Variants in TTC3 observed in about 807,000 individuals in gnomAD.
TTC3 encodes E3 ubiquitin-protein ligase TTC3.
TTC3 carries 180 observed loss-of-function variants against 249.6 expected under a neutral mutation model. The observed-to-expected ratio is 0.72, with a 90% CI of 0.64 to 0.82. The LOEUF is 0.82. Ranked by LOEUF, TTC3 falls within the 40% of genes least tolerant of loss-of-function variation. TTC3 has a pLI of 0.00. For missense variants in TTC3, 2,061 were observed against 2,398.4 expected, an observed-to-expected ratio of 0.86 and a Z score of 2.94; for synonymous variants, 717 against 805.0, an observed-to-expected ratio of 0.89 and a Z score of 1.85.
In TTC3 at chr21:37,167,416, G is replaced by A. The variant is rs2000413; in HGVS notation, c.4402-139G>A. 287,468 of 552,300 alleles carry A rather than the reference G, an allele frequency of 0.52. 75,499 individuals are homozygous for A. Among genetic ancestry groups the A allele is most frequent in the African/African-American group, 0.65 (32,672 of 50,012 alleles). The allele number at this position is 552,300 out of a possible 1,614,324, so 34.2% of individuals were successfully genotyped here. A position where few individuals can be genotyped will look rare whatever the true frequency, so the allele number is the denominator to read the frequency against. On this transcript the variant is annotated intron_variant, in intron 33 of 45. Coordinates refer to ENST00000355666, the Ensembl canonical transcript of TTC3. ...TAACTTTCCTAATATACATGTTTAC[G>A]GAAAGCATGGAACATGATCTAAATG...
intron 38 of TTC3, chr21:37,187,713 G>A (rs1470733181): frequency 1.3e-5 from 2 of 152,280 alleles, no homozygotes; most frequent in African/African-American, 4.8e-5. Flanking sequence ...ATATGTGTCT[G>A]TGATTATTCT....
chr21:37,134,876 T>C (rs905629924), intron 17 of TTC3, among the ~76,000 whole-genome samples: 1 of 152,246 alleles, frequency 6.6e-6, no homozygotes, highest in Non-Finnish European at 1.5e-5. Flanking sequence ...TTCAAATATA[T>C]GTTAGGCAGG....
intron 1 of TTC3, among the ~76,000 whole-genome samples, chr21:37,080,693 A>T (rs995305371): frequency 2.0e-5 from 3 of 151,956 alleles, no homozygotes; most frequent in African/African-American, 7.3e-5. Context: ...TCGAACCTTT[A>T]CTATATTGTG....
At chr21:37,129,204 G>A (rs931106209) in intron 16 of TTC3, 141 bp downstream of exon 16, 2 of 448,140 alleles carry the variant, frequency 4.5e-6, no homozygotes, top group Non-Finnish European at 7.9e-6. Flanking sequence ...AATATCAAAA[G>A]CATATCTTTA....
chr21:37,166,190 T>C (rs1321268113), exon 33 of TTC3: 1 of 1,614,018 alleles, frequency 6.2e-7, no homozygotes, highest in East Asian at 2.2e-5. Flanking sequence ...TTTCCAGAGA[T>C]TTGATATCAC....
At chr21:37,116,817 A>T (rs986888478) in intron 11 of TTC3, among the ~76,000 whole-genome samples, 3 of 152,028 alleles carry the variant, frequency 2.0e-5, no homozygotes, top group African/African-American at 7.2e-5. Context: ...AAAAATAAAA[A>T]AATAAAAATA....
At chr21:37,130,142 G>A (rs1488853663) in intron 16 of TTC3, among the ~76,000 whole-genome samples, 1 of 151,870 alleles carries the variant, frequency 6.6e-6, no homozygotes, top group Non-Finnish European at 1.5e-5. Flanking sequence ...TGCTTCAGGG[G>A]GAATGATTTG....
chr21:37,108,190 T>C (rs931468200), intron 10 of TTC3: 3 of 474,910 alleles, frequency 6.3e-6, no homozygotes, highest in Non-Finnish European at 1.1e-5. Flanking sequence ...ATTGTGACTC[T>C]GGGTGACTTT....
chr21:37,153,859 T>C (rs2079726232), intron 27 of TTC3, among the ~76,000 whole-genome samples: 1 of 151,986 alleles, frequency 6.6e-6, no homozygotes, highest in Admixed American at 6.5e-5. Flanking sequence ...TTGCTCAGGG[T>C]CACCTAAGGC....
exon 28 of TTC3, chr21:37,156,784 T>A: frequency 6.2e-7 from 1 of 1,614,126 alleles, no homozygotes; most frequent in Non-Finnish European, 8.5e-7. Context: ...GGAAAGCAAC[T>A]TGATTATTTC....
chr21:37,091,386 C>A, exon 7 of TTC3: 9 of 1,609,498 alleles, frequency 5.6e-6, no homozygotes, highest in Non-Finnish European at 7.6e-6. Flanking sequence ...CAATTGTTGG[C>A]CTATGTTAAG....
chr21:37,118,462 C>T (rs1292042886), intron 11 of TTC3, among the ~76,000 whole-genome samples: 1 of 152,184 alleles, frequency 6.6e-6, no homozygotes, highest in African/African-American at 2.4e-5. Flanking sequence ...TTGTGCAGGT[C>T]TGTGAGCATT....
chr21:37,156,377 A>G (rs1326667598), intron 27 of TTC3, among the ~76,000 whole-genome samples: 1 of 152,156 alleles, frequency 6.6e-6, no homozygotes, highest in East Asian at 1.9e-4. Context: ...CTATACTTTC[A>G]TCTCCTAGGT....
At chr21:37,128,074 C>G (rs981572776) in intron 15 of TTC3, among the ~76,000 whole-genome samples, 1 of 152,176 alleles carries the variant, frequency 6.6e-6, no homozygotes, top group Admixed American at 6.5e-5. Flanking sequence ...GTAGTTTTGT[C>G]CAAGGTCACA....
At chr21:37,117,611 A>G (rs56882170) in intron 11 of TTC3, among the ~76,000 whole-genome samples, 7 of 152,076 alleles carry the variant, frequency 4.6e-5, no homozygotes, top group African/African-American at 1.7e-4. Context: ...CTTTTTGAAG[A>G]CCTGGCGCTC....
At chr21:37,099,151 G>A (rs1207888928) in intron 10 of TTC3, 1 of 152,126 alleles carries the variant, frequency 6.6e-6, no homozygotes, top group Non-Finnish European at 1.5e-5. Context: ...AATTTATCCT[G>A]AAAGATTAGA....
chr21:37,078,665 T>C (rs2071221759), intron 1 of TTC3, among the ~76,000 whole-genome samples: 1 of 152,212 alleles, frequency 6.6e-6, no homozygotes, highest in African/African-American at 2.4e-5. Flanking sequence ...AGTCATCCAC[T>C]TGATAAACTT....
At chr21:37,160,754 A>G (rs2080647879) in intron 29 of TTC3, 48 bp from the exon 30 acceptor site, 3 of 1,587,944 alleles carry the variant, frequency 1.9e-6, no homozygotes, top group Non-Finnish European at 2.6e-6. Context: ...GTTGAGCTTC[A>G]TAATGCTGTT....
intron 17 of TTC3, among the ~76,000 whole-genome samples, chr21:37,133,023 A>G (rs747839754): frequency 6.6e-6 from 1 of 152,202 alleles, no homozygotes; most frequent in Non-Finnish European, 1.5e-5. Flanking sequence ...ATCATTTAAT[A>G]TATATGACTG....
Sources: gnomAD v4.1 joint callset for allele counts (sites outside exome capture counted in the v4.1 genomes callset) on GRCh38, gnomAD v4.1.1 for gene constraint, MANE v1.5 for transcripts, NCBI Gene and HGNC (gene_info 2026-07-23, HGNC 2026-07-21) for gene names.